Variants in FAM161B observed in about 807,000 individuals in gnomAD.
The protein encoded by FAM161B is FAM161 centrosomal protein B.
Under a neutral mutation model 61.5 loss-of-function variants are expected in FAM161B, and 46 were observed. That is an observed-to-expected ratio of 0.75 (90% CI 0.59 to 0.96). FAM161B has a LOEUF of 0.96. Ranked by LOEUF, FAM161B falls within the 40% of genes least tolerant of loss-of-function variation. The probability of loss-of-function intolerance (pLI) is 0.00; values close to 1 mark genes in which losing one functional copy is unlikely to be tolerated. For synonymous variants in FAM161B, 284 were observed against 302.7 expected, an observed-to-expected ratio of 0.94 and a Z score of 0.64; for missense variants, 774 against 800.7, an observed-to-expected ratio of 0.97 and a Z score of 0.40.
chr14:73,949,178 C>T (rs2056100957), intron 1 of FAM161B, among the ~76,000 whole-genome samples: 1 of 152,248 alleles, frequency 6.6e-6, no homozygotes, highest in South Asian at 2.1e-4. Flanking sequence ...TCTCGGCTCA[C>T]TGCAACCTCC....
rs1566673291 is a variant in FAM161B at position 73,938,020 on chromosome 14, G to A, written c.1493C>T (p.Thr498Ile). ...GGGATCCATGGCTTTTGCACGCAAG[G>A]TCACAGATTTGGACATTGCTTGAGA... Reference protein sequence around the residue: ...KKSQAMSKSVTLRAKAMDPHK... With the variant: ...KKSQAMSKSVILRAKAMDPHK... Residue 498 changes from threonine (T) to isoleucine (I), a missense_variant, in exon 6 of 9, where the codon ACC (threonine) becomes ATC (isoleucine). Transcript: ENST00000286544. 6.2e-7 allele frequency: 1 copy of A among 1,614,150 alleles called. No individual in the cohort carries two copies. Among genetic ancestry groups the A allele is most frequent in the Non-Finnish European group, 8.5e-7 (1 of 1,179,998 alleles).
At chr14:73,938,437 C>G (rs550685039) in intron 5 of FAM161B, among the ~76,000 whole-genome samples, 1 of 150,574 alleles carries the variant, frequency 6.6e-6, no homozygotes, top group African/African-American at 2.4e-5. Flanking sequence ...CCAGCCTGGG[C>G]GACAGATCAA....
At chr14:73,941,191 C>T (rs2056015800) in intron 4 of FAM161B, 138 bp from the exon 5 acceptor site, 2 of 1,077,440 alleles carry the variant, frequency 1.9e-6, no homozygotes, top group Admixed American at 6.1e-5. Context: ...AATCTCGGCT[C>T]ACTGCAACCT....
chr14:73,947,385 CAAAAA>C (rs35497668), intron 1 of FAM161B, among the ~76,000 whole-genome samples: 1 of 97,104 alleles, frequency 1.0e-5, no homozygotes. Context: ...TGCTCCGTCT[CAAAAA>C]AAAAAAAAAA....
chr14:73,940,097 C>A (rs12895829), intron 5 of FAM161B, among the ~76,000 whole-genome samples: 1 of 152,146 alleles, frequency 6.6e-6, no homozygotes, highest in South Asian at 2.1e-4. Context: ...TGAGTACTCC[C>A]CTACATGCCC....
At chr14:73,942,824 TAGGA>T in intron 3 of FAM161B, 109 bp from the exon 4 acceptor site, 1 of 992,526 alleles carries the variant, frequency 1.0e-6, no homozygotes, top group Non-Finnish European at 1.5e-6. Context: ...TGGAGGCAAG[TAGGA>T]ACTTTTCAGG....
downstream of FAM161B, among the ~76,000 whole-genome samples, chr14:73,926,639 T>C (rs2055837744): frequency 6.6e-6 from 1 of 152,184 alleles, no homozygotes; most frequent in Admixed American, 6.5e-5. Context: ...TTTACCATGT[T>C]GGCCAGGCTG....
Position 73,944,607 on chromosome 14 carries a change from GCC to G in FAM161B, c.651_652del (p.Ala218ThrfsTer64), listed in dbSNP as rs1566675712. 4 of 1,613,930 alleles carry G rather than the reference GCC, an allele frequency of 2.5e-6. No individual in the cohort carries two copies. The highest frequency in any genetic ancestry group is 3.4e-6 in the Non-Finnish European group (4 of 1,180,028). On this transcript the variant is annotated frameshift_variant, in exon 3 of 9. Transcript: ENST00000286544. LOFTEE classifies it high-confidence loss of function. ...GTAGACATGTGCAGGCACAGGCTGT[GCC>G]CGGAACTGCCTGTGGCACTCGGCCT...
In FAM161B at chr14:73,932,336, T is replaced by C. The variant is rs1308449580; in HGVS notation, c.*1920A>G. ...TTTCTTAGAGATTAAGAATTTAATC[T>C]TTCCCTTTAAAATAGTGTATTGATT... On this transcript the variant is annotated 3_prime_UTR_variant, in exon 9 of 9. Transcript: ENST00000286544. The C allele has an allele frequency of 5.6e-6, 2 of 357,356 alleles. No individual in the cohort carries two copies. The highest frequency in any genetic ancestry group is 1.1e-5 in the Non-Finnish European group (2 of 183,978). The allele number at this position is 357,356 out of a possible 1,614,324, so 22.1% of individuals were successfully genotyped here. A position where few individuals can be genotyped will look rare whatever the true frequency, so the allele number is the denominator to read the frequency against.
At chr14:73,948,533 C>G (rs1052099312) in intron 1 of FAM161B, among the ~76,000 whole-genome samples, 2 of 152,328 alleles carry the variant, frequency 1.3e-5, no homozygotes, top group Non-Finnish European at 2.9e-5. Flanking sequence ...CACCCTAGCC[C>G]TGGCTCTGCT....
At chr14:73,931,700 G>A, downstream of FAM161B, 2 of 661,508 alleles carry the variant, frequency 3.0e-6, no homozygotes, top group South Asian at 1.7e-5. Context: ...GAAGATGGAT[G>A]TAGGAGAGCT....
intron 5 of FAM161B, among the ~76,000 whole-genome samples, chr14:73,938,555 A>G (rs1014446347): frequency 7.2e-5 from 11 of 151,780 alleles, no homozygotes; most frequent in Admixed American, 2.0e-4. Context: ...GGCGGATCAC[A>G]AGGTCAGGAG....
Position 73,946,312 on chromosome 14 carries a change from C to T in FAM161B, c.348G>A (p.Val116=), listed in dbSNP as rs1389706192. The change falls in exon 2 of 9, where the codon GTG becomes GTA. Residue 116 remains valine (V), a synonymous_variant. Transcript: ENST00000286544. ...TCAGAGCCTGCGGGCACTGGACCTG[C>T]ACCATCCCCCTGTCCTTGTCTTGGA... The part of the protein sequence containing the change: ...SFFQDKDRGM[V]QVQCPQALRC... 1 of 1,613,964 alleles carries T rather than the reference C, an allele frequency of 6.2e-7. No individual in the cohort carries two copies. The highest frequency in any genetic ancestry group is 8.5e-7 in the Non-Finnish European group (1 of 1,179,996).
the FAM161B span, chr14:73,923,436 C>T: frequency 6.2e-7 from 1 of 1,613,980 alleles, no homozygotes; most frequent in East Asian, 2.2e-5. Flanking sequence ...GTCTTCAGTG[C>T]CTGATGTGAC....
At position 73,946,353 on chromosome 14, in the gene FAM161B, C is replaced by T. The variant is rs780173146; in HGVS notation, c.307G>A (p.Asp103Asn). Residue 103 changes from aspartate (D) to asparagine (N), a missense_variant, in exon 2 of 9, where the codon GAC becomes AAC. By Grantham distance (23) the Asp-to-Asn change is conservative. Transcript: ENST00000286544. Reference protein sequence around the residue: ...SDENLSEDEEDLESFFQDKDR... With the variant: ...SDENLSEDEENLESFFQDKDR... ...TTGTCTTGGAAGAAACTCTCCAGGTCCTCCTCATCTTCAGAGAGGTTTTCA... is the reference window on the plus strand; with the variant it reads ...TTGTCTTGGAAGAAACTCTCCAGGTTCTCCTCATCTTCAGAGAGGTTTTCA... 6.2e-7 allele frequency: 1 copy of T among 1,614,186 alleles called. No individual in the cohort carries two copies.
chr14:73,937,152 A>G (rs1159265408), intron 7 of FAM161B, among the ~76,000 whole-genome samples: 2 of 152,220 alleles, frequency 1.3e-5, no homozygotes, highest in African/African-American at 4.8e-5. Flanking sequence ...AAAGCCTTGC[A>G]GGGTGTTTGT....
intron 8 of FAM161B, among the ~76,000 whole-genome samples, 155 bp downstream of exon 8, chr14:73,935,794 T>G (rs1364917334): frequency 6.6e-6 from 1 of 152,206 alleles, no homozygotes; most frequent in East Asian, 1.9e-4. Context: ...AATTCAAATG[T>G]GTTACTTGGA....
chr14:73,949,918 A>AACAGTTTCCTCTCCGGGATTCCTTTCCCG lies in FAM161B; in HGVS notation c.54+26_54+54dup, dbSNP rs1465289677. The AACAGTTTCCTCTCCGGGATTCCTTTCCCG allele has an allele frequency of 2.3e-5, 37 of 1,605,794 alleles. No homozygotes were observed. The Admixed American group carries it at 2.7e-4, about 12-fold the overall frequency. On this transcript the variant is annotated intron_variant, in intron 1 of 8. Coordinates refer to ENST00000286544, the MANE Select transcript of FAM161B (RefSeq NM_152445.3). The stretch of plus-strand genomic sequence containing the variant: ...GCTGTCTGTCTCCAAGGCAACGCCC[A>AACAGTTTCCTCTCCGGGATTCCTTTCCCG]ACAGTTTCCTCTCCGGGATTCCTTT...
rs994196441 is a variant in FAM161B, at chr14:73,939,223, C to T, written c.1401-1111G>A. On this transcript the variant is annotated intron_variant, in intron 5 of 8. Transcript: ENST00000286544. ...GCTGAGGCAGGAGAATCACTAAACC[C>T]GGGAGGCAGAGGTTGCAGTGAGCTG... 7.2e-5 allele frequency among the ~76,000 whole-genome samples: 11 copies of T among 151,958 alleles called. No homozygotes were observed. In the East Asian group the frequency reaches 1.2e-3, roughly 16 times the overall value.
Sources: allele counts gnomAD v4.1 joint callset (sites outside exome capture counted in the v4.1 genomes callset), GRCh38; gene constraint gnomAD v4.1.1; transcripts MANE v1.5; gene names NCBI Gene and HGNC (gene_info 2026-07-23, HGNC 2026-07-21).